The following PIK3C2G variants were observed in gnomAD, a reference collection of about 807,000 sequenced individuals.
The protein encoded by PIK3C2G is phosphatidylinositol-4-phosphate 3-kinase catalytic subunit type 2 gamma.
In PIK3C2G, 168 loss-of-function variants were observed where a neutral mutation model predicts 181.1. That is an observed-to-expected ratio of 0.93 (90% confidence interval 0.82 to 1.05). PIK3C2G has a LOEUF of 1.05. Among genes scored for constraint, PIK3C2G ranks in the 50% least tolerant of loss-of-function variants. PIK3C2G has a pLI of 0.00. For missense variants in PIK3C2G, 1,869 were observed against 1,732.8 expected (o/e 1.08, Z -1.40); for synonymous variants, 573 against 592.2 (o/e 0.97, Z 0.47).
At chr12:18,266,199 A>G (rs1019122718) in intron 1 of PIK3C2G, among the ~76,000 whole-genome samples, 18 of 152,110 alleles carry the variant, frequency 1.2e-4, no homozygotes, top group African/African-American at 3.4e-4. Context: ...AATATAATGT[A>G]AATGTTATCA....
intron 18 of PIK3C2G, among the ~76,000 whole-genome samples, chr12:18,440,408 T>G (rs1317065051): frequency 6.6e-6 from 1 of 152,102 alleles, no homozygotes; most frequent in Non-Finnish European, 1.5e-5. Context: ...TGTAAGGCAT[T>G]GATAAGTACT....
the PIK3C2G span, chr12:18,696,232 A>G: frequency 1.3e-6 from 2 of 1,597,908 alleles, no homozygotes; most frequent in Non-Finnish European, 1.7e-6. Context: ...ATATTCTGGT[A>G]ATGAACTTCC....
chr12:18,385,551 T>A (rs987278797), intron 14 of PIK3C2G, among the ~76,000 whole-genome samples: 1 of 152,060 alleles, frequency 6.6e-6, no homozygotes, highest in African/African-American at 2.4e-5. Context: ...GCGGTTCTTG[T>A]TCTAGTCTAT....
upstream of PIK3C2G, among the ~76,000 whole-genome samples, chr12:18,258,218 A>G (rs1363321008): frequency 6.6e-6 from 1 of 152,170 alleles, no homozygotes; most frequent in Non-Finnish European, 1.5e-5. Flanking sequence ...TGATATTTTG[A>G]CATATACATT....
In PIK3C2G at chr12:18,488,980, G is replaced by A. The variant is rs111863514; in HGVS notation, c.2685+351G>A. 2.6e-5 allele frequency among the ~76,000 whole-genome samples: 4 copies of A among 152,146 alleles called. 1 individual carries two copies. The highest frequency in any genetic ancestry group is 9.6e-5 in the African/African-American group (4 of 41,530). ...AAATACATGAGAAGTTTTAGGGCAC[G>A]TTTTTGTCGTTGCTCAGCAAAGGAC... On this transcript the variant is annotated intron_variant, in intron 19 of 32. Transcript: ENST00000538779.
At chr12:18,252,231 A>C (rs1205364694) in intron 1 of PIK3C2G, among the ~76,000 whole-genome samples, 1 of 152,160 alleles carries the variant, frequency 6.6e-6, no homozygotes, top group Non-Finnish European at 1.5e-5. Flanking sequence ...TCCTTGACAC[A>C]ATTTTGCTCA....
intron 8 of PIK3C2G, among the ~76,000 whole-genome samples, chr12:18,337,274 T>A (rs1374548064): frequency 1.3e-5 from 2 of 152,126 alleles, no homozygotes; most frequent in African/African-American, 2.4e-5. Flanking sequence ...GAAGATTTTT[T>A]AAAATAAATG....
chr12:18,690,714 C>A, the PIK3C2G span, among the ~76,000 whole-genome samples: 8 of 152,208 alleles, frequency 5.3e-5, no homozygotes, highest in African/African-American at 1.9e-4. Context: ...GACATGATTC[C>A]TAAGTCTTGA....
At chr12:18,655,080 T>G in the PIK3C2G span, among the ~76,000 whole-genome samples, 4 of 151,980 alleles carry the variant, frequency 2.6e-5, no homozygotes, top group Non-Finnish European at 4.4e-5. Flanking sequence ...AGGCTTTTGA[T>G]GTTTCTTGTT....
chr12:18,618,428 C>T (rs1409048111), intron 31 of PIK3C2G, among the ~76,000 whole-genome samples: 1 of 152,106 alleles, frequency 6.6e-6, no homozygotes, highest in Non-Finnish European at 1.5e-5. Context: ...GATTTGAACA[C>T]CTAAAAACAA....
intron 18 of PIK3C2G, among the ~76,000 whole-genome samples, chr12:18,480,701 T>C (rs902184103): frequency 1.4e-4 from 21 of 152,112 alleles, no homozygotes. Context: ...GACCTGAAAG[T>C]GACCATACCA....
Position 18,320,332 on chromosome 12 carries a change from T to C in PIK3C2G, c.1138-630T>C, listed in dbSNP as rs561250577. Among the ~76,000 whole-genome samples, 6 of 152,076 alleles carry C rather than the reference T, an allele frequency of 3.9e-5. No individual in the cohort carries two copies. The South Asian group carries it at 1.2e-3, about 32-fold the overall frequency. On this transcript the variant is annotated intron_variant, in intron 6 of 32. Coordinates refer to ENST00000538779, the MANE Select transcript of PIK3C2G (RefSeq NM_001288772.2). ...CAAGAAGTTAAGGTATGCGTGTGTG[T>C]GTGCGTGTGTGTGTGAGCACACACA...
intron 26 of PIK3C2G, among the ~76,000 whole-genome samples, chr12:18,548,104 C>G (rs533492985): frequency 2.5e-4 from 38 of 152,008 alleles, no homozygotes; most frequent in Admixed American, 2.0e-4. Context: ...GGTGGGTTTA[C>G]GTGGTAGCAA....
chr12:18,323,029 A>T (rs1041838252), intron 7 of PIK3C2G, among the ~76,000 whole-genome samples: 14 of 152,272 alleles, frequency 9.2e-5, no homozygotes, highest in Middle Eastern at 3.4e-3. Context: ...GGGTTGGTGG[A>T]GGGTTGTTGC....
At chr12:18,552,712 A>G (rs939384500) in intron 26 of PIK3C2G, among the ~76,000 whole-genome samples, 2 of 152,160 alleles carry the variant, frequency 1.3e-5, no homozygotes, top group Non-Finnish European at 2.9e-5. Context: ...AACTGCAGAT[A>G]TAACCACTTA....
the PIK3C2G span, among the ~76,000 whole-genome samples, chr12:18,663,081 A>C: frequency 1.6e-4 from 24 of 152,016 alleles, no homozygotes; most frequent in African/African-American, 5.3e-4. Context: ...ACCTCAGCAT[A>C]ATAAAAGCCA....
chr12:18,706,342 T>C, the PIK3C2G span, among the ~76,000 whole-genome samples: 1 of 152,128 alleles, frequency 6.6e-6, no homozygotes, highest in East Asian at 1.9e-4. Flanking sequence ...TAGCATGCTA[T>C]ATTTTTATTG....
At chr12:18,578,889 G>T (rs192854114) in intron 29 of PIK3C2G, among the ~76,000 whole-genome samples, 1 of 151,850 alleles carries the variant, frequency 6.6e-6, no homozygotes, top group Non-Finnish European at 1.5e-5. Flanking sequence ...GAATACTTCC[G>T]TAATAGAATA....
chr12:18,544,182 A>G (rs1944307071), intron 25 of PIK3C2G, among the ~76,000 whole-genome samples: 1 of 151,816 alleles, frequency 6.6e-6, no homozygotes, highest in African/African-American at 2.4e-5. Context: ...GAGCATGGGC[A>G]TGATGTGTAG....
Sources: allele counts gnomAD v4.1 joint callset (sites outside exome capture counted in the v4.1 genomes callset), GRCh38; gene constraint gnomAD v4.1.1; transcripts MANE v1.5; gene names NCBI Gene and HGNC (gene_info 2026-07-23, HGNC 2026-07-21).